Variants in GALNT13 observed in about 807,000 individuals in gnomAD.
GALNT13 encodes the protein polypeptide N-acetylgalactosaminyltransferase 13, also known as UDP-GalNAc:polypeptide N-acetylgalactosaminyltransferase 13.
GALNT13 carries 28 observed loss-of-function variants against 64.2 expected under a neutral mutation model. That is an observed-to-expected ratio of 0.44 (90% CI 0.32 to 0.60). GALNT13 has a LOEUF of 0.60. GALNT13 is among the 20% of genes least tolerant of loss of function. GALNT13 has a pLI of 0.05. For missense variants in GALNT13, 577 were observed against 669.8 expected (o/e 0.86, Z 1.53); for synonymous variants, 214 against 224.6 (o/e 0.95, Z 0.42).
At chr2:153,376,458 G>A in the GALNT13 span, among the ~76,000 whole-genome samples, 4 of 152,282 alleles carry the variant, frequency 2.6e-5, no homozygotes, top group East Asian at 3.9e-4. Flanking sequence ...AGAGCAACTT[G>A]CTGACCCAGA....
the GALNT13 span, among the ~76,000 whole-genome samples, chr2:153,681,747 C>T: frequency 6.6e-6 from 1 of 151,686 alleles, no homozygotes; most frequent in East Asian, 1.9e-4. Flanking sequence ...TTATTTTCCC[C>T]CGCAGTGGCC....
chr2:153,925,992 A>G (rs1032929253), intron 2 of GALNT13, among the ~76,000 whole-genome samples: 20 of 152,114 alleles, frequency 1.3e-4, no homozygotes, highest in African/African-American at 4.8e-4. Context: ...GGATCATGTT[A>G]CCTGCAAACA....
chr2:153,333,092 C>G, the GALNT13 span, among the ~76,000 whole-genome samples: 1 of 152,210 alleles, frequency 6.6e-6, no homozygotes, highest in Non-Finnish European at 1.5e-5. Flanking sequence ...AGTCCCTGTC[C>G]AGAGATTAAA....
intron 3 of GALNT13, among the ~76,000 whole-genome samples, chr2:154,107,393 C>A (rs1702679128): frequency 6.6e-6 from 1 of 151,860 alleles, no homozygotes; most frequent in African/African-American, 2.4e-5. Flanking sequence ...AGATTGAGAC[C>A]ATCCTGGCCA....
intron 3 of GALNT13, among the ~76,000 whole-genome samples, chr2:154,028,077 A>G (rs17439915): frequency 0.19 from 28,326 of 152,100 alleles, 3,376 homozygotes; most frequent in Non-Finnish European, 0.26. Flanking sequence ...CCAAAGGAGG[A>G]TGGTAAACTT....
the GALNT13 span, among the ~76,000 whole-genome samples, chr2:153,776,884 C>A: frequency 6.6e-6 from 1 of 152,114 alleles, no homozygotes; most frequent in African/African-American, 2.4e-5. Context: ...CCTTGGCCAA[C>A]GCTGCTTTTA....
chr2:154,011,974 T>G (rs931743614), intron 3 of GALNT13, among the ~76,000 whole-genome samples: 2 of 152,194 alleles, frequency 1.3e-5, no homozygotes, highest in Non-Finnish European at 2.9e-5. Context: ...GAGATAGGTC[T>G]CTTTAAGACA....
the GALNT13 span, among the ~76,000 whole-genome samples, chr2:153,676,849 C>A: frequency 6.6e-6 from 1 of 152,060 alleles, no homozygotes; most frequent in Non-Finnish European, 1.5e-5. Context: ...TAAATAGCCT[C>A]AATGACCTAA....
At chr2:153,729,571 G>A in the GALNT13 span, among the ~76,000 whole-genome samples, 1 of 151,748 alleles carries the variant, frequency 6.6e-6, no homozygotes, top group Admixed American at 6.6e-5. Flanking sequence ...TTGATGTAAG[G>A]GTTCGAGTCA....
chr2:153,983,947 C>CCATT (rs1694630522), intron 3 of GALNT13, among the ~76,000 whole-genome samples: 2 of 152,004 alleles, frequency 1.3e-5, no homozygotes, highest in Admixed American at 1.3e-4. Flanking sequence ...AATGGTATCA[C>CCATT]AGAACTGCAA....
At chr2:153,504,910 A>C in the GALNT13 span, among the ~76,000 whole-genome samples, 1 of 152,074 alleles carries the variant, frequency 6.6e-6, no homozygotes, top group African/African-American at 2.4e-5. Context: ...ATGGTTTAGG[A>C]AGGATTCCCT....
At chr2:154,294,081 A>G (rs1692787539) in intron 8 of GALNT13, among the ~76,000 whole-genome samples, 1 of 152,212 alleles carries the variant, frequency 6.6e-6, no homozygotes, top group South Asian at 2.1e-4. Context: ...ATTTATCTAC[A>G]CATTCTGTGA....
chr2:153,736,801 A>C, the GALNT13 span, among the ~76,000 whole-genome samples: 1 of 151,542 alleles, frequency 6.6e-6, no homozygotes, highest in Admixed American at 6.6e-5. Flanking sequence ...GTCTATTTTC[A>C]TTTTCTTCAG....
At chr2:153,514,561 C>G in the GALNT13 span, among the ~76,000 whole-genome samples, 5 of 152,068 alleles carry the variant, frequency 3.3e-5, no homozygotes, top group African/African-American at 7.2e-5. Flanking sequence ...AGATGAGGAC[C>G]TTTTACGGAT....
At chr2:153,531,347 A>G in the GALNT13 span, among the ~76,000 whole-genome samples, 1 of 152,166 alleles carries the variant, frequency 6.6e-6, no homozygotes, top group Non-Finnish European at 1.5e-5. Context: ...TGGCTGGAGT[A>G]GGAGAGAGGG....
the GALNT13 span, among the ~76,000 whole-genome samples, chr2:153,107,788 G>A: frequency 1.3e-5 from 2 of 152,122 alleles, no homozygotes; most frequent in South Asian, 2.1e-4. Flanking sequence ...GAGAGAAATA[G>A]CTCCACATTG....
chr2:154,036,440 G>A (rs1698663943), intron 3 of GALNT13, among the ~76,000 whole-genome samples: 1 of 152,030 alleles, frequency 6.6e-6, no homozygotes, highest in Admixed American at 6.6e-5. Flanking sequence ...TTCACCACAA[G>A]CGGTTTCTGT....
In GALNT13 at chr2:153,953,487, A is replaced by C. The variant is rs149805352; in HGVS notation, c.142+8848A>C. Among the ~76,000 whole-genome samples the C allele has an allele frequency of 2.8e-4, 43 of 152,266 alleles. 1 individual carries two copies. In the East Asian group the frequency reaches 8.1e-3, roughly 29 times the overall value. On this transcript the variant is annotated intron_variant, in intron 3 of 12. Coordinates refer to ENST00000392825, the MANE Select transcript of GALNT13 (RefSeq NM_052917.4). ...AGGAACTGAGACAAAGAGAGGGTAAAGAGATCTGCCAGAACTTTTACAACC... is the reference window on the plus strand; with the variant it reads ...AGGAACTGAGACAAAGAGAGGGTAACGAGATCTGCCAGAACTTTTACAACC...
chr2:153,750,368 C>T, the GALNT13 span, among the ~76,000 whole-genome samples: 6 of 151,696 alleles, frequency 4.0e-5, no homozygotes, highest in Admixed American at 3.3e-4. Flanking sequence ...TTCTGTCCTC[C>T]TCTATATTTT....
Sources: allele counts gnomAD v4.1 joint callset (sites outside exome capture counted in the v4.1 genomes callset), GRCh38; gene constraint gnomAD v4.1.1; transcripts MANE v1.5; gene names NCBI Gene and HGNC (gene_info 2026-07-23, HGNC 2026-07-21).